BANP: variants seen among roughly 807,000 people sequenced by gnomAD.
BANP encodes BTG3 associated nuclear protein, also known as protein BANP.
In BANP, 11 loss-of-function variants were observed where a neutral mutation model predicts 68.1. The observed-to-expected ratio is 0.16, with a 90% confidence interval of 0.10 to 0.27. The LOEUF (loss-of-function observed/expected upper bound fraction) is 0.27. Among genes scored for constraint, BANP ranks in the 10% least tolerant of loss-of-function variants. BANP has a pLI of 1.00. For synonymous variants in BANP, 329 were observed against 303.2 expected (o/e 1.09, Z -0.88); for missense variants, 504 against 722.7 (o/e 0.70, Z 3.47).
intron 6 of BANP, among the ~76,000 whole-genome samples, chr16:88,015,713 C>T (rs369637990): frequency 5.9e-5 from 9 of 152,378 alleles, no homozygotes; most frequent in African/African-American, 1.7e-4. Context: ...GCCGAGGTCT[C>T]GCGCTCCAGG....
intron 4 of BANP, among the ~76,000 whole-genome samples, chr16:87,996,145 C>G (rs2067134482): frequency 6.6e-6 from 1 of 152,138 alleles, no homozygotes; most frequent in Non-Finnish European, 1.5e-5. Context: ...AGGTGTGTGT[C>G]CAGCAGCCAC....
At chr16:88,006,019 A>G in intron 5 of BANP, 71 bp from the exon 6 acceptor site, 1 of 1,600,876 alleles carries the variant, frequency 6.2e-7, no homozygotes, top group Non-Finnish European at 8.5e-7. Flanking sequence ...TGCGATAAGG[A>G]AAGCGCTGAC....
intron 6 of BANP, among the ~76,000 whole-genome samples, chr16:88,015,829 G>A (rs1313841602): frequency 6.6e-6 from 1 of 152,272 alleles, no homozygotes; most frequent in Non-Finnish European, 1.5e-5. Context: ...CTGTACCGGT[G>A]CTGCCAGGAG....
intron 1 of BANP, among the ~76,000 whole-genome samples, chr16:87,955,612 G>T (rs562704901): frequency 6.6e-6 from 1 of 152,106 alleles, no homozygotes; most frequent in Non-Finnish European, 1.5e-5. Flanking sequence ...GCGTGTGGCC[G>T]CCCTGTCTCC....
chr16:88,051,592 CAG>C (rs1406014355), intron 11 of BANP, among the ~76,000 whole-genome samples: 9 of 152,198 alleles, frequency 5.9e-5, no homozygotes, highest in Non-Finnish European at 1.2e-4. Context: ...TTCCCTCTCT[CAG>C]GGGTGCCTTT....
chr16:88,054,112 AGC>A, intron 11 of BANP, among the ~76,000 whole-genome samples: 1 of 107,594 alleles, frequency 9.3e-6, no homozygotes, highest in Admixed American at 9.1e-5. Context: ...CATCATCACC[AGC>A]ACAACCACAA....
intron 1 of BANP, among the ~76,000 whole-genome samples, chr16:87,971,770 T>C (rs973658001): frequency 6.6e-6 from 1 of 151,972 alleles, no homozygotes. Context: ...TGAATTACAG[T>C]TTTTGGTATT....
In BANP at chr16:87,978,450, A is replaced by T. The variant is rs1432978690; in HGVS notation, c.71-2586A>T. 3 of 347,930 alleles carry T rather than the reference A, an allele frequency of 8.6e-6. No homozygotes were observed. The East Asian group carries it at 2.2e-4, about 26-fold the overall frequency. The allele number at this position is 347,930 out of a possible 1,614,324, so 21.6% of individuals were successfully genotyped here. A position where few individuals can be genotyped will look rare whatever the true frequency, so the allele number is the denominator to read the frequency against. On this transcript the variant is annotated intron_variant, in intron 2 of 13. Coordinates refer to ENST00000682872, the MANE Select transcript of BANP (RefSeq NM_001386991.1). ...TCTCTGTTCTTCCAGGCCTTGTGTGATGACCGGTTTCCAGTGAGAGTAGAG... is the reference window on the plus strand; with the variant it reads ...TCTCTGTTCTTCCAGGCCTTGTGTGTTGACCGGTTTCCAGTGAGAGTAGAG...
At chr16:88,059,064 C>T (rs962948520) in intron 11 of BANP, among the ~76,000 whole-genome samples, 2 of 135,632 alleles carry the variant, frequency 1.5e-5, no homozygotes, top group African/African-American at 3.3e-5. Flanking sequence ...TGCTGTGGTC[C>T]GTGCTCCTGC....
At chr16:87,959,547 G>C (rs1436631264) in intron 1 of BANP, among the ~76,000 whole-genome samples, 1 of 152,232 alleles carries the variant, frequency 6.6e-6, no homozygotes, top group African/African-American at 2.4e-5. Context: ...CAGGCTCTCC[G>C]GGGAGGAGGC....
chr16:87,995,274 G>A (rs1294579665), intron 4 of BANP, among the ~76,000 whole-genome samples: 2 of 152,168 alleles, frequency 1.3e-5, no homozygotes, highest in Non-Finnish European at 2.9e-5. Flanking sequence ...GGGGGTTTTT[G>A]GGGGGCCTGC....
chr16:88,018,751 CAGT>C lies in BANP; in HGVS notation c.895+87_895+89del, dbSNP rs2075168275. The C allele has an allele frequency of 2.3e-5, 34 of 1,466,712 alleles. 1 individual carries two copies. The South Asian group carries it at 4.6e-4, about 20-fold the overall frequency. 90.9% of individuals were successfully genotyped at this position (1,466,712 alleles called of 1,614,324 possible). ...ATTTCAATGCTGAGGACGCTGGCATCAGTAGCACCGGCACGGGGCTGCGTTTCT... is the reference window on the plus strand; with the variant it reads ...ATTTCAATGCTGAGGACGCTGGCATCAGCACCGGCACGGGGCTGCGTTTCT... On this transcript the variant is annotated intron_variant, in intron 7 of 13. Coordinates refer to ENST00000682872, the MANE Select transcript of BANP (RefSeq NM_001386991.1). The surrounding 1 kb of genome is among the most constrained non-coding windows in gnomAD (Gnocchi z 7.7).
chr16:88,014,376 G>A (rs1042079738), intron 6 of BANP, among the ~76,000 whole-genome samples: 2 of 151,904 alleles, frequency 1.3e-5, no homozygotes, highest in Non-Finnish European at 2.9e-5. Context: ...TGGGGAGGAC[G>A]GAGGTGGTGG....
intron 2 of BANP, among the ~76,000 whole-genome samples, chr16:87,977,939 G>A (rs1023134876): frequency 1.6e-4 from 25 of 152,130 alleles, no homozygotes; most frequent in African/African-American, 5.3e-4. Flanking sequence ...GGATTCAAGC[G>A]ATTCTCCTGC....
At chr16:88,063,485 T>A (rs116783712) in intron 11 of BANP, among the ~76,000 whole-genome samples, 2,172 of 152,262 alleles carry the variant, frequency 0.014, 46 homozygotes, top group African/African-American at 0.043. Context: ...AGAAAGTGAG[T>A]CCCCTCCCAG....
intron 4 of BANP, among the ~76,000 whole-genome samples, chr16:87,989,378 G>A (rs1305250641): frequency 6.6e-6 from 1 of 152,190 alleles, no homozygotes; most frequent in Non-Finnish European, 1.5e-5. Flanking sequence ...TGGACAGTTC[G>A]GTTGGTGCAT....
intron 1 of BANP, among the ~76,000 whole-genome samples, chr16:87,961,161 G>A (rs1660003882): frequency 6.6e-6 from 1 of 152,150 alleles, no homozygotes; most frequent in Non-Finnish European, 1.5e-5. Flanking sequence ...GAAGCTCATG[G>A]ATACAGTTCA....
intron 1 of BANP, among the ~76,000 whole-genome samples, chr16:87,965,450 T>G (rs2059851974): frequency 1.4e-5 from 2 of 146,494 alleles, no homozygotes; most frequent in South Asian, 2.2e-4. Context: ...TGTGCAAGGG[T>G]GATGCTGAGG....
chr16:88,067,153 A>T (rs1057442758), intron 12 of BANP, among the ~76,000 whole-genome samples: 5 of 152,036 alleles, frequency 3.3e-5, no homozygotes, highest in South Asian at 2.1e-4. Flanking sequence ...CTGACCTTTG[A>T]CCCTTTGCAG....
Sources: gnomAD v4.1 joint callset for allele counts (sites outside exome capture counted in the v4.1 genomes callset) on GRCh38, gnomAD v4.1.1 for gene constraint, Gnocchi (gnomAD v3.1) non-coding constraint, MANE v1.5 for transcripts, NCBI Gene and HGNC (gene_info 2026-07-23, HGNC 2026-07-21) for gene names.